TRPM3: variants seen among roughly 807,000 people sequenced by gnomAD.
TRPM3 encodes the protein transient receptor potential cation channel subfamily M member 3.
TRPM3 carries 77 observed loss-of-function variants against 181.2 expected under a neutral mutation model. The ratio of observed to expected loss-of-function variants is 0.42; its 90% CI spans 0.35 to 0.51. The LOEUF (loss-of-function observed/expected upper bound fraction) is 0.51, where lower values mean the gene tolerates loss of function less well. TRPM3 is among the 20% of genes least tolerant of loss of function. The probability of loss-of-function intolerance (pLI) is 0.01; values close to 1 mark genes in which losing one functional copy is unlikely to be tolerated. For synonymous variants in TRPM3, 745 were observed against 796.4 expected (o/e 0.94, Z 1.09); for missense variants, 1,759 against 2,196.7 (o/e 0.80, Z 3.98).
chr9:70,923,899 TACAC>T (rs34418854), intron 1 of TRPM3, among the ~76,000 whole-genome samples: 3 of 147,658 alleles, frequency 2.0e-5, no homozygotes, highest in Non-Finnish European at 3.0e-5. Context: ...CATATATACA[TACAC>T]ACACACATAT....
intron 1 of TRPM3, among the ~76,000 whole-genome samples, chr9:71,260,145 C>T (rs2082944365): frequency 6.6e-6 from 1 of 152,126 alleles, no homozygotes; most frequent in Non-Finnish European, 1.5e-5. Context: ...GGAATCATTT[C>T]CCCATTGTTT....
At chr9:70,984,014 C>T (rs2134051393) in intron 1 of TRPM3, among the ~76,000 whole-genome samples, 1 of 152,238 alleles carries the variant, frequency 6.6e-6, no homozygotes, top group Non-Finnish European at 1.5e-5. Flanking sequence ...AGTTTCTCAG[C>T]TCCCTCAGTC....
chr9:71,299,975 A>G (rs1379611984), intron 1 of TRPM3, among the ~76,000 whole-genome samples: 1 of 152,144 alleles, frequency 6.6e-6, no homozygotes, highest in Admixed American at 6.6e-5. Context: ...AGGAAAGTCT[A>G]GTAAAGTTAG....
At chr9:70,565,958 C>T (rs1242878393) in intron 22 of TRPM3, among the ~76,000 whole-genome samples, 1 of 152,106 alleles carries the variant, frequency 6.6e-6, no homozygotes, top group Admixed American at 6.6e-5. Context: ...CTTCCCTCAT[C>T]ATTCATTCAA....
At chr9:70,587,033 A>C (rs1402842642) in intron 22 of TRPM3, among the ~76,000 whole-genome samples, 1 of 152,162 alleles carries the variant, frequency 6.6e-6, no homozygotes, top group African/African-American at 2.4e-5. Flanking sequence ...CTTTGTACTA[A>C]ATATATACAT....
chr9:71,152,515 A>G (rs1031490435), intron 1 of TRPM3, among the ~76,000 whole-genome samples: 5 of 152,196 alleles, frequency 3.3e-5, no homozygotes, highest in African/African-American at 1.2e-4. Context: ...TTTATACCCA[A>G]TGAAAATAAC....
rs145753595 is a variant in TRPM3, at chr9:70,817,228, A to G, written c.973+10619T>C. ...TTAGCATGTGACAAAATACTGACACATAAGATGTGAGCTAAAATGGTGTGT... is the reference window on the plus strand; with the variant it reads ...TTAGCATGTGACAAAATACTGACACGTAAGATGTGAGCTAAAATGGTGTGT... On this transcript the variant is annotated intron_variant, in intron 6 of 25. Coordinates refer to ENST00000677713, the MANE Select transcript of TRPM3 (RefSeq NM_001366145.2). Among the ~76,000 whole-genome samples the G allele has an allele frequency of 3.1e-3, 473 of 152,332 alleles. 5 individuals are homozygous for G. Among genetic ancestry groups the G allele is most frequent in the African/African-American group, 0.011 (462 of 41,580 alleles).
At chr9:71,339,115 T>TA (rs200925877) in intron 1 of TRPM3, among the ~76,000 whole-genome samples, 2,047 of 151,836 alleles carry the variant, frequency 0.013, 31 homozygotes, top group Admixed American at 0.019. Context: ...ATACCATCAA[T>TA]AAAAAAATAC....
intron 1 of TRPM3, among the ~76,000 whole-genome samples, chr9:70,933,752 C>G (rs957657095): frequency 6.7e-6 from 1 of 149,688 alleles, no homozygotes; most frequent in Non-Finnish European, 1.5e-5. Flanking sequence ...CTGGAGCATA[C>G]TTAGATATTG....
intron 3 of TRPM3, among the ~76,000 whole-genome samples, chr9:70,853,511 A>G (rs1205382833): frequency 6.6e-6 from 1 of 152,218 alleles, no homozygotes; most frequent in Admixed American, 6.5e-5. Context: ...TCAAAGAAAG[A>G]GCGCTCAGTA....
intron 9 of TRPM3, among the ~76,000 whole-genome samples, chr9:70,641,138 TG>T (rs1284927658): frequency 1.3e-5 from 2 of 152,178 alleles, no homozygotes; most frequent in African/African-American, 4.8e-5. Flanking sequence ...AAAACTGGCC[TG>T]GTGAGCAGCA....
At chr9:71,156,020 A>G (rs1361911138) in intron 1 of TRPM3, among the ~76,000 whole-genome samples, 4 of 152,086 alleles carry the variant, frequency 2.6e-5, no homozygotes, top group Non-Finnish European at 5.9e-5. Context: ...ATGTATTTTT[A>G]TTATAATTGT....
At chr9:71,165,009 CTAAGTCTGATTGATCAAA>C (rs2076468442) in intron 1 of TRPM3, among the ~76,000 whole-genome samples, 1 of 152,114 alleles carries the variant, frequency 6.6e-6, no homozygotes, top group Admixed American at 6.6e-5. Flanking sequence ...TCTTCACATA[CTAAGTCTGATTGATCAAA>C]TAATCCTTGT....
At chr9:71,216,665 A>G (rs1380620636) in intron 1 of TRPM3, among the ~76,000 whole-genome samples, 1 of 152,194 alleles carries the variant, frequency 6.6e-6, no homozygotes, top group South Asian at 2.1e-4. Context: ...TGACATATTC[A>G]TATCTAGCTA....
At chr9:71,223,420 A>G (rs2080366697) in intron 1 of TRPM3, among the ~76,000 whole-genome samples, 1 of 152,224 alleles carries the variant, frequency 6.6e-6, no homozygotes, top group Non-Finnish European at 1.5e-5. Flanking sequence ...AGTACATGTC[A>G]TGGGCCTTCG....
intron 1 of TRPM3, among the ~76,000 whole-genome samples, chr9:71,110,440 C>A (rs941522119): frequency 2.6e-5 from 4 of 152,164 alleles, no homozygotes; most frequent in African/African-American, 9.7e-5. Context: ...AACAGCTATG[C>A]TCCTTTGTTG....
chr9:71,243,857 C>T (rs779023300), intron 1 of TRPM3, among the ~76,000 whole-genome samples: 6 of 152,146 alleles, frequency 3.9e-5, no homozygotes, highest in Admixed American at 1.3e-4. Context: ...ATATAAAATA[C>T]GTACTCTAAA....
intron 1 of TRPM3, among the ~76,000 whole-genome samples, chr9:71,098,277 C>T (rs1418622124): frequency 6.6e-6 from 1 of 151,882 alleles, no homozygotes; most frequent in African/African-American, 2.4e-5. Flanking sequence ...CAGTGTGAAC[C>T]TAGTGGCACC....
intron 7 of TRPM3, among the ~76,000 whole-genome samples, chr9:70,778,928 C>T (rs974180377): frequency 3.9e-5 from 6 of 152,050 alleles, no homozygotes; most frequent in African/African-American, 1.2e-4. Context: ...TTTCTCATAC[C>T]TTTGGTCATT....
Sources: gnomAD v4.1 joint callset for allele counts (sites outside exome capture counted in the v4.1 genomes callset) on GRCh38, gnomAD v4.1.1 for gene constraint, MANE v1.5 for transcripts, NCBI Gene and HGNC (gene_info 2026-07-23, HGNC 2026-07-21) for gene names.